The following RBFOX1 variants were observed in gnomAD, a reference collection of about 807,000 sequenced individuals.
RBFOX1 encodes RNA binding fox-1 homolog 1.
A neutral mutation model predicts 57.7 loss-of-function variants in RBFOX1; 8 were observed. The ratio of observed to expected loss-of-function variants is 0.14; its 90% CI spans 0.08 to 0.25. The LOEUF (loss-of-function observed/expected upper bound fraction) is 0.25, where lower values mean the gene tolerates loss of function less well. RBFOX1 is among the 10% of genes least tolerant of loss of function. The pLI is 1.00. For synonymous variants in RBFOX1, 326 were observed against 222.4 expected, an observed-to-expected ratio of 1.47 and a Z score of -4.15; for missense variants, 611 against 548.5, an observed-to-expected ratio of 1.11 and a Z score of -1.14.
At chr16:6,792,412 G>A (rs2083149024) in intron 3 of RBFOX1, among the ~76,000 whole-genome samples, 1 of 152,166 alleles carries the variant, frequency 6.6e-6, no homozygotes, top group Non-Finnish European at 1.5e-5. Context: ...TAGCAAATAG[G>A]TAGATTTAAA....
At chr16:5,659,124 T>C (rs1336609357) in intron 3 of RBFOX1, among the ~76,000 whole-genome samples, 1 of 152,054 alleles carries the variant, frequency 6.6e-6, no homozygotes, top group Non-Finnish European at 1.5e-5. Flanking sequence ...ATTCCCACCA[T>C]CAGTGCAGAA....
intron 4 of RBFOX1, among the ~76,000 whole-genome samples, chr16:7,155,263 A>G (rs1169419860): frequency 6.6e-6 from 1 of 152,074 alleles, no homozygotes; most frequent in Non-Finnish European, 1.5e-5. Context: ...TCACCTTTAG[A>G]GTTCCAGAAT....
chr16:7,001,793 G>T (rs1301532173), intron 3 of RBFOX1, among the ~76,000 whole-genome samples: 1 of 152,022 alleles, frequency 6.6e-6, no homozygotes, highest in African/African-American at 2.4e-5. Context: ...AGAACCAGGA[G>T]GCAGCTCAAT....
At chr16:6,569,975 T>A (rs1287189788) in intron 2 of RBFOX1, among the ~76,000 whole-genome samples, 1 of 152,076 alleles carries the variant, frequency 6.6e-6, no homozygotes, top group Non-Finnish European at 1.5e-5. Flanking sequence ...CGGTAATTTG[T>A]TTGAGAAGAA....
At chr16:6,633,006 A>T (rs991100801) in intron 2 of RBFOX1, among the ~76,000 whole-genome samples, 4 of 152,154 alleles carry the variant, frequency 2.6e-5, no homozygotes, top group Non-Finnish European at 5.9e-5. Flanking sequence ...AAGGAGAGGG[A>T]TGGGGAGACA....
At chr16:6,951,765 G>T (rs957587096) in intron 3 of RBFOX1, among the ~76,000 whole-genome samples, 1 of 151,940 alleles carries the variant, frequency 6.6e-6, no homozygotes, top group Non-Finnish European at 1.5e-5. Context: ...ATGGAGTCTC[G>T]CTCTTTCGCC....
At chr16:6,739,230 G>T (rs919206044) in intron 3 of RBFOX1, among the ~76,000 whole-genome samples, 1 of 149,288 alleles carries the variant, frequency 6.7e-6, no homozygotes, top group African/African-American at 2.4e-5. Context: ...ACTTCTAGTA[G>T]GGATGATAGA....
At chr16:5,742,215 C>G (rs1482886195) in intron 3 of RBFOX1, among the ~76,000 whole-genome samples, 4 of 54,732 alleles carry the variant, frequency 7.3e-5, no homozygotes, top group Non-Finnish European at 1.3e-4. Flanking sequence ...TTCCTCCTTT[C>G]CTTCCTCCCT....
At chr16:6,489,392 C>T (rs1187030138) in intron 2 of RBFOX1, among the ~76,000 whole-genome samples, 1 of 152,062 alleles carries the variant, frequency 6.6e-6, no homozygotes, top group Non-Finnish European at 1.5e-5. Context: ...AATATTAATT[C>T]ATTGAATCTT....
chr16:6,800,871 A>T (rs564111141), intron 3 of RBFOX1, among the ~76,000 whole-genome samples: 5 of 152,060 alleles, frequency 3.3e-5, no homozygotes, highest in Non-Finnish European at 5.9e-5. Context: ...TTGTTTTTCT[A>T]TGTAGTTGGA....
At position 5,963,771 on chromosome 16, in the gene RBFOX1, A is replaced by G. The variant is rs1464703491; in HGVS notation, c.351+96436A>G. ...TAAAAATCAAGTCAAAATGGATTAA[A>G]TGCTTAAACTTAAGACCTAAAGCCA... On this transcript the variant is annotated intron_variant, in intron 4 of 19. Transcript: ENST00000641259. Among the ~76,000 whole-genome samples, 4 of 152,338 alleles carry G rather than the reference A, an allele frequency of 2.6e-5. No individual in the cohort carries two copies. In the East Asian group the frequency reaches 7.7e-4, roughly 29 times the overall value.
At chr16:6,009,002 T>TA in intron 4 of RBFOX1, among the ~76,000 whole-genome samples, 1 of 152,302 alleles carries the variant, frequency 6.6e-6, no homozygotes, top group Admixed American at 6.5e-5. Flanking sequence ...GGTCTATTAA[T>TA]GGCTGCTGAC....
intron 5 of RBFOX1, among the ~76,000 whole-genome samples, chr16:7,559,295 C>G (rs1469879554): frequency 1.3e-5 from 2 of 149,758 alleles, no homozygotes; most frequent in Middle Eastern, 6.8e-3. Flanking sequence ...ACGTTATATA[C>G]ATTATACATC....
intron 3 of RBFOX1, among the ~76,000 whole-genome samples, chr16:6,684,659 T>A (rs1290033490): frequency 3.9e-5 from 6 of 152,148 alleles, no homozygotes; most frequent in African/African-American, 1.2e-4. Flanking sequence ...TTTATCAGTG[T>A]CTTAGAAGTT....
At chr16:7,296,246 A>G (rs959912634) in intron 4 of RBFOX1, among the ~76,000 whole-genome samples, 7 of 148,628 alleles carry the variant, frequency 4.7e-5, no homozygotes, top group Non-Finnish European at 1.0e-4. Flanking sequence ...CTTTATTTTC[A>G]GATTATGTCC....
intron 1 of RBFOX1, among the ~76,000 whole-genome samples, chr16:6,112,319 A>G (rs535741247): frequency 6.6e-6 from 1 of 152,338 alleles, no homozygotes; most frequent in Non-Finnish European, 1.5e-5. Flanking sequence ...TGTTTATCCG[A>G]TATGTGCATT....
chr16:7,465,518 G>A (rs2060358445), intron 4 of RBFOX1, among the ~76,000 whole-genome samples: 1 of 152,170 alleles, frequency 6.6e-6, no homozygotes, highest in South Asian at 2.1e-4. Flanking sequence ...CTGTCCCCAA[G>A]TCCATGGAAA....
intron 3 of RBFOX1, among the ~76,000 whole-genome samples, chr16:6,700,977 G>C (rs147379122): frequency 4.9e-4 from 75 of 152,222 alleles, no homozygotes; most frequent in Non-Finnish European, 8.5e-4. Context: ...GGGGGTACCA[G>C]ATGCTTATGA....
intron 4 of RBFOX1, among the ~76,000 whole-genome samples, chr16:7,215,067 C>G (rs562056796): frequency 5.6e-4 from 85 of 152,198 alleles, no homozygotes; most frequent in African/African-American, 1.9e-3. Context: ...GTCTCCACCC[C>G]CCGCGGACAG....
Sources: gnomAD v4.1 joint callset for allele counts (sites outside exome capture counted in the v4.1 genomes callset) on GRCh38, gnomAD v4.1.1 for gene constraint, MANE v1.5 for transcripts, NCBI Gene and HGNC (gene_info 2026-07-23, HGNC 2026-07-21) for gene names.